COX7B2: variants seen among roughly 807,000 people sequenced by gnomAD.
COX7B2 encodes the protein cytochrome c oxidase subunit 7B2, mitochondrial.
For synonymous variants in COX7B2, 37 were observed against 32.1 expected (o/e 1.15, Z -0.51); for missense variants, 109 against 95.9 (o/e 1.14, Z -0.57).
intron 2 of COX7B2, among the ~76,000 whole-genome samples, chr4:46,811,084 T>G (rs1178875944): frequency 6.6e-6 from 1 of 152,188 alleles, no homozygotes; most frequent in Non-Finnish European, 1.5e-5. Flanking sequence ...AATTCTCTCT[T>G]TATCTTTGAC....
At chr4:46,818,126 A>C (rs1719648214) in intron 2 of COX7B2, among the ~76,000 whole-genome samples, 1 of 152,200 alleles carries the variant, frequency 6.6e-6, no homozygotes, top group Non-Finnish European at 1.5e-5. Context: ...TGGTTGGAAA[A>C]ATTAGAATAG....
In COX7B2 at chr4:46,784,450, T is replaced by C. The variant is rs570078801; in HGVS notation, c.-49-49209A>G. On this transcript the variant is annotated intron_variant, in intron 2 of 2. Coordinates refer to ENST00000355591, the MANE Select transcript of COX7B2 (RefSeq NM_130902.3). ...GACCAGCCTGGCCAACATGGTGAAA[T>C]TCCGTCTCTATTAAAAATACAAAAA... Among the ~76,000 whole-genome samples the C allele has an allele frequency of 1.2e-3, 186 of 152,012 alleles. 1 individual carries two copies. Among genetic ancestry groups the C allele is most frequent in the African/African-American group, 4.2e-3 (176 of 41,478 alleles).
At chr4:46,778,342 T>C (rs1717268276) in intron 2 of COX7B2, among the ~76,000 whole-genome samples, 1 of 152,146 alleles carries the variant, frequency 6.6e-6, no homozygotes, top group African/African-American at 2.4e-5. Flanking sequence ...TTTTCCTTTT[T>C]CAATATACAG....
At chr4:46,763,265 ATTGT>A (rs1399986579) in intron 2 of COX7B2, among the ~76,000 whole-genome samples, 2 of 142,016 alleles carry the variant, frequency 1.4e-5, no homozygotes, top group Admixed American at 7.6e-5. Flanking sequence ...CACACACACA[ATTGT>A]TTGTTTCAAT....
chr4:46,740,615 G>C (rs1052977776), intron 2 of COX7B2, among the ~76,000 whole-genome samples: 1 of 152,022 alleles, frequency 6.6e-6, no homozygotes, highest in East Asian at 1.9e-4. Context: ...AAACGTAATT[G>C]TTAGGTGTAA....
chr4:46,807,834 T>C (rs1719081997), intron 2 of COX7B2, among the ~76,000 whole-genome samples: 1 of 151,836 alleles, frequency 6.6e-6, no homozygotes, highest in Non-Finnish European at 1.5e-5. Flanking sequence ...GTTGATAGTA[T>C]ATATTTAGGT....
intron 1 of COX7B2, among the ~76,000 whole-genome samples, chr4:46,884,256 C>T (rs1271064103): frequency 6.6e-6 from 1 of 152,098 alleles, no homozygotes; most frequent in African/African-American, 2.4e-5. Context: ...AGTGGCACCA[C>T]CATAGCTCCC....
At chr4:46,780,190 C>T (rs930139907) in intron 2 of COX7B2, among the ~76,000 whole-genome samples, 23 of 152,092 alleles carry the variant, frequency 1.5e-4, no homozygotes, top group Admixed American at 2.6e-4. Context: ...TCAAACTCAG[C>T]TATGACTAAA....
At chr4:46,908,170 T>C (rs1720522846) in intron 1 of COX7B2, among the ~76,000 whole-genome samples, 3 of 152,046 alleles carry the variant, frequency 2.0e-5, no homozygotes, top group Admixed American at 1.3e-4. Context: ...GCAGACTATC[T>C]ATGCCCCCTA....
chr4:46,830,217 G>A (rs1333089886), intron 2 of COX7B2, among the ~76,000 whole-genome samples: 1 of 151,422 alleles, frequency 6.6e-6, no homozygotes, highest in Non-Finnish European at 1.5e-5. Flanking sequence ...CCAGCTACTG[G>A]AGAGGCTGAG....
chr4:46,843,394 T>G (rs1382952332), intron 2 of COX7B2, among the ~76,000 whole-genome samples: 1 of 152,076 alleles, frequency 6.6e-6, no homozygotes, highest in African/African-American at 2.4e-5. Context: ...TTTGCATTCC[T>G]CTTTTACAGA....
chr4:46,766,392 C>A (rs2109497568), intron 2 of COX7B2, among the ~76,000 whole-genome samples: 1 of 152,158 alleles, frequency 6.6e-6, no homozygotes, highest in African/African-American at 2.4e-5. Flanking sequence ...TTTTGTCACA[C>A]TTCATCATCA....
intron 1 of COX7B2, among the ~76,000 whole-genome samples, chr4:46,895,709 C>T (rs1458199745): frequency 6.6e-6 from 1 of 152,068 alleles, no homozygotes; most frequent in Non-Finnish European, 1.5e-5. Flanking sequence ...TTGTTATTTT[C>T]ATGTGTAATT....
intron 2 of COX7B2, among the ~76,000 whole-genome samples, chr4:46,827,148 A>T (rs1321180359): frequency 2.0e-5 from 3 of 152,098 alleles, no homozygotes; most frequent in Admixed American, 6.6e-5. Flanking sequence ...GAGTTCCAGG[A>T]GAATAGAGAC....
intron 1 of COX7B2, among the ~76,000 whole-genome samples, chr4:46,870,508 A>C (rs1717921721): frequency 6.6e-6 from 1 of 152,170 alleles, no homozygotes; most frequent in African/African-American, 2.4e-5. Context: ...AAAAGAAAGA[A>C]AGTGCATCCA....
At chr4:46,775,096 T>C (rs1172120279) in intron 2 of COX7B2, among the ~76,000 whole-genome samples, 1 of 152,114 alleles carries the variant, frequency 6.6e-6, no homozygotes, top group Non-Finnish European at 1.5e-5. Flanking sequence ...CTAGACATTG[T>C]AAGTGATACT....
intron 1 of COX7B2, among the ~76,000 whole-genome samples, chr4:46,874,864 C>G (rs1718226835): frequency 6.6e-6 from 1 of 152,152 alleles, no homozygotes; most frequent in Non-Finnish European, 1.5e-5. Context: ...TTTGTTTGTA[C>G]ATAGACGTAT....
chr4:46,822,509 G>C (rs1714372595), intron 2 of COX7B2, among the ~76,000 whole-genome samples: 1 of 151,972 alleles, frequency 6.6e-6, no homozygotes, highest in South Asian at 2.1e-4. Flanking sequence ...CCCACCCTTT[G>C]TCACAGGAAG....
At chr4:46,824,215 T>C (rs148075596) in intron 2 of COX7B2, among the ~76,000 whole-genome samples, 66 of 152,178 alleles carry the variant, frequency 4.3e-4, no homozygotes, top group Middle Eastern at 3.4e-3. Flanking sequence ...ACCTGATGGA[T>C]TCACGGTCAA....
Sources: gnomAD v4.1 joint callset for allele counts (sites outside exome capture counted in the v4.1 genomes callset) on GRCh38, gnomAD v4.1.1 for gene constraint, MANE v1.5 for transcripts, NCBI Gene and HGNC (gene_info 2026-07-23, HGNC 2026-07-21) for gene names.